The following CNST variants were observed in gnomAD, a reference collection of about 807,000 sequenced individuals.
CNST encodes consortin.
Under a neutral mutation model 72.4 loss-of-function variants are expected in CNST, and 39 were observed. That is an observed-to-expected ratio of 0.54 (90% CI 0.42 to 0.70). The LOEUF is 0.70. CNST is among the 30% of genes least tolerant of loss of function. CNST has a pLI of 0.00. For synonymous variants in CNST, 332 were observed against 320.1 expected (o/e 1.04, Z -0.40); for missense variants, 871 against 868.5 (o/e 1.00, Z -0.04).
chr1:246,644,676 G>A (rs141942475), intron 8 of CNST, among the ~76,000 whole-genome samples: 221 of 152,302 alleles, frequency 1.5e-3, no homozygotes, highest in African/African-American at 5.1e-3. Context: ...TGACCCTCAG[G>A]TGGAAGCAAC....
chr1:246,621,709 T>A (rs961431710), intron 3 of CNST, 75 bp downstream of exon 3: 41 of 1,326,188 alleles, frequency 3.1e-5, no homozygotes, highest in Admixed American at 1.4e-4. Flanking sequence ...TAAAATGCTG[T>A]CTTGGCTGGG....
rs538329931 is a variant in CNST at position 246,578,377 on chromosome 1, TA to T, written c.-52+11716del. On this transcript the variant is annotated intron_variant, in intron 1 of 10. Coordinates refer to ENST00000366513, the MANE Select transcript of CNST (RefSeq NM_152609.3). ...AAATGTTTCAGTGTGGATTCTGTAT[TA>T]ACCATTGCCTTCGGCTGGGCGTGGT... Among the ~76,000 whole-genome samples, 87 of 152,192 alleles carry T rather than the reference TA, an allele frequency of 5.7e-4. 3 individuals carry two copies. Among genetic ancestry groups the T allele is most frequent in the African/African-American group, 2.0e-3 (84 of 41,446 alleles).
At position 246,667,869 on chromosome 1, in the gene CNST, T is replaced by C. The variant is rs1413943621; in HGVS notation, c.*1964T>C. On this transcript the variant is annotated 3_prime_UTR_variant, in exon 11 of 11. Coordinates refer to ENST00000366513, the MANE Select transcript of CNST (RefSeq NM_152609.3). The stretch of plus-strand genomic sequence containing the variant: ...CTCCTGTTCACCTCTTGGGTCTCTA[T>C]CCTGTGTAACCTCTGGTGTAGTATT... 2.0e-5 allele frequency: 3 copies of C among 152,208 alleles called. No individual in the cohort carries two copies. The highest frequency in any genetic ancestry group is 1.9e-4 in the East Asian group (1 of 5,204). The allele number at this position is 152,208 out of a possible 1,614,324, so 9.4% of individuals were successfully genotyped here. A position where few individuals can be genotyped will look rare whatever the true frequency, so the allele number is the denominator to read the frequency against.
chr1:246,632,432 G>C (rs1664834198), intron 4 of CNST: 1 of 208,528 alleles, frequency 4.8e-6, no homozygotes, highest in Non-Finnish European at 9.9e-6. Context: ...ATGCAGTAAG[G>C]GACCCCCATT....
chr1:246,660,718 A>G (rs1258655171), intron 10 of CNST, among the ~76,000 whole-genome samples: 3 of 152,218 alleles, frequency 2.0e-5, no homozygotes, highest in Non-Finnish European at 4.4e-5. Flanking sequence ...GCGAGGCTCC[A>G]TCTCAAAAAA....
intron 1 of CNST, among the ~76,000 whole-genome samples, chr1:246,569,308 C>T (rs966050723): frequency 6.6e-6 from 1 of 152,114 alleles, no homozygotes; most frequent in African/African-American, 2.4e-5. Flanking sequence ...GATACTAAAT[C>T]TATAAAATCT....
Position 246,591,624 on chromosome 1 carries a change from C to T in CNST, c.62C>T (p.Pro21Leu). The change falls in exon 2 of 11, where the codon CCT (proline) becomes CTT (leucine). Residue 21 changes from proline to leucine, a missense_variant. Transcript: ENST00000366513. ...ATAGAACCACAAGATGGATGTCATCCTGGTGACAGCGTGGAAAGGAGTGTG... is the reference window on the plus strand; with the variant it reads ...ATAGAACCACAAGATGGATGTCATCTTGGTGACAGCGTGGAAAGGAGTGTG... Reference protein sequence around the residue: ...LQIEPQDGCHPGDSVERSVTC... With the variant: ...LQIEPQDGCHLGDSVERSVTC... The T allele has an allele frequency of 1.2e-6, 2 of 1,614,132 alleles. No homozygotes were observed. Among genetic ancestry groups the T allele is most frequent in the Non-Finnish European group, 1.7e-6 (2 of 1,179,990 alleles).
At chr1:246,579,242 A>C (rs1183115630) in intron 1 of CNST, among the ~76,000 whole-genome samples, 9 of 152,170 alleles carry the variant, frequency 5.9e-5, no homozygotes, top group Non-Finnish European at 1.3e-4. Context: ...GAGAGTGTCC[A>C]TTTATCATCC....
At chr1:246,586,111 A>ATATATATGTGTGTGTGTGTG (rs777928408) in intron 1 of CNST, among the ~76,000 whole-genome samples, 7 of 102,700 alleles carry the variant, frequency 6.8e-5, no homozygotes, top group African/African-American at 2.8e-4. Flanking sequence ...ATATATATAT[A>ATATATATGTGTGTGTGTGTG]TGTGTGTGTG....
At chr1:246,634,345 T>C (rs1422224438) in intron 5 of CNST, 128 bp from the exon 6 acceptor site, 20 of 596,904 alleles carry the variant, frequency 3.4e-5, no homozygotes, top group Non-Finnish European at 5.2e-5. Context: ...TTTCTAACTG[T>C]TGGGTTGTTT....
At chr1:246,603,413 GTGAC>G (rs1373204415) in intron 2 of CNST, among the ~76,000 whole-genome samples, 1 of 152,170 alleles carries the variant, frequency 6.6e-6, no homozygotes, top group Non-Finnish European at 1.5e-5. Flanking sequence ...TCTACAAAGA[GTGAC>G]TGTTTTGTCT....
chr1:246,575,254 A>C (rs1660331071), intron 1 of CNST, among the ~76,000 whole-genome samples: 1 of 152,188 alleles, frequency 6.6e-6, no homozygotes, highest in Non-Finnish European at 1.5e-5. Flanking sequence ...TGTTCAGACA[A>C]AAACGTGCAC....
chr1:246,595,226 G>C (rs1169921582), intron 2 of CNST, among the ~76,000 whole-genome samples: 1 of 152,194 alleles, frequency 6.6e-6, no homozygotes, highest in South Asian at 2.1e-4. Flanking sequence ...TTCTAGATGT[G>C]GAAGAGACCT....
Position 246,566,493 on chromosome 1 carries a change from G to A in CNST, c.-222G>A. On this transcript the variant is annotated 5_prime_UTR_variant, in exon 1 of 11. Transcript: ENST00000366513. ...CGCCAGCCTCCAGCCGGCCAGCCGC[G>A]AGGGGTGCGCAGAGGGAGGCGGGGC... The A allele has an allele frequency of 2.3e-6, 1 of 444,038 alleles. No homozygotes were observed. Among genetic ancestry groups the A allele is most frequent in the Non-Finnish European group, 4.0e-6 (1 of 249,714 alleles). The allele number at this position is 444,038 out of a possible 1,614,324, so 27.5% of individuals were successfully genotyped here. A position where few individuals can be genotyped will look rare whatever the true frequency, so the allele number is the denominator to read the frequency against.
rs1667455360 is a variant in CNST, at chr1:246,668,008, C to G, written c.*2103C>G. 1 of 152,160 alleles carries G rather than the reference C, an allele frequency of 6.6e-6. No homozygotes were observed. Among genetic ancestry groups the G allele is most frequent in the African/African-American group, 2.4e-5 (1 of 41,442 alleles). 9.4% of individuals were successfully genotyped at this position (152,160 alleles called of 1,614,324 possible). Reference sequence around the variant, plus strand: ...GCTAAGCAGGGGCCCAGTGGTGTCTCAGAGAAACCATGGGTGTCCTCGCCA... The same window carrying G: ...GCTAAGCAGGGGCCCAGTGGTGTCTGAGAGAAACCATGGGTGTCCTCGCCA... On this transcript the variant is annotated 3_prime_UTR_variant, in exon 11 of 11. Coordinates refer to ENST00000366513, the MANE Select transcript of CNST (RefSeq NM_152609.3).
intron 9 of CNST, 50 bp downstream of exon 9, chr1:246,648,087 A>G (rs1015913304): frequency 1.3e-6 from 2 of 1,534,722 alleles, no homozygotes; most frequent in African/African-American, 1.4e-5. Context: ...TTTAAAAAAC[A>G]TATATATGTA....
intron 2 of CNST, among the ~76,000 whole-genome samples, chr1:246,616,606 G>C (rs913769896): frequency 6.6e-6 from 1 of 152,052 alleles, no homozygotes; most frequent in African/African-American, 2.4e-5. Context: ...CCAGGCTGGA[G>C]TGCAGTGGCC....
chr1:246,614,534 ACAGT>A (rs1326023950), intron 2 of CNST, among the ~76,000 whole-genome samples: 2 of 145,952 alleles, frequency 1.4e-5, no homozygotes, highest in Non-Finnish European at 3.0e-5. Flanking sequence ...TTTTTTGGAG[ACAGT>A]CTCGCTCTCT....
At chr1:246,591,447 C>CA (rs1661535777) in intron 1 of CNST, 65 bp from the exon 2 acceptor site, 1 of 1,148,202 alleles carries the variant, frequency 8.7e-7, no homozygotes, top group Non-Finnish European at 1.2e-6. Context: ...AGGGGAAAAT[C>CA]AAAGATCACT....
Sources: gnomAD v4.1 joint callset for allele counts (sites outside exome capture counted in the v4.1 genomes callset) on GRCh38, gnomAD v4.1.1 for gene constraint, MANE v1.5 for transcripts, NCBI Gene and HGNC (gene_info 2026-07-23, HGNC 2026-07-21) for gene names.